The following NR1H4 variants were observed in gnomAD, a reference collection of about 807,000 sequenced individuals.
The protein encoded by NR1H4 is nuclear receptor subfamily 1 group H member 4, also known as bile acid receptor.
NR1H4 carries 23 observed loss-of-function variants against 58.5 expected under a neutral mutation model. The ratio of observed to expected loss-of-function variants is 0.39; its 90% CI spans 0.28 to 0.56. The LOEUF (loss-of-function observed/expected upper bound fraction) is 0.56, where lower values mean the gene tolerates loss of function less well. NR1H4 is among the 20% of genes least tolerant of loss of function. The pLI, the probability that NR1H4 is intolerant of heterozygous loss-of-function variation, is 0.58. For synonymous variants in NR1H4, 214 were observed against 198.0 expected, an observed-to-expected ratio of 1.08 and a Z score of -0.68; for missense variants, 487 against 576.9, an observed-to-expected ratio of 0.84 and a Z score of 1.60.
chr12:100,553,146 G>A (rs563421231), intron 9 of NR1H4, among the ~76,000 whole-genome samples: 1 of 152,072 alleles, frequency 6.6e-6, no homozygotes, highest in Non-Finnish European at 1.5e-5. Flanking sequence ...CTACAGGCGC[G>A]TGCCACCACA....
chr12:100,534,188 C>T (rs1256706406), intron 5 of NR1H4, among the ~76,000 whole-genome samples: 2 of 152,140 alleles, frequency 1.3e-5, no homozygotes, highest in Admixed American at 6.5e-5. Flanking sequence ...CCACCGCGCC[C>T]GGCCTTAATA....
chr12:100,505,908 C>G (rs1351787900), intron 3 of NR1H4: 1 of 319,362 alleles, frequency 3.1e-6, no homozygotes, highest in African/African-American at 2.2e-5. Flanking sequence ...TCCCAAAACA[C>G]ACAAACAAGA....
At chr12:100,479,554 C>T (rs1040616791) in intron 1 of NR1H4, among the ~76,000 whole-genome samples, 5 of 152,202 alleles carry the variant, frequency 3.3e-5, no homozygotes, top group South Asian at 2.1e-4. Flanking sequence ...ATCCCTGTTG[C>T]GTGTCATTTT....
intron 1 of NR1H4, among the ~76,000 whole-genome samples, chr12:100,474,397 T>C (rs1301264724): frequency 6.6e-6 from 1 of 152,208 alleles, no homozygotes; most frequent in Non-Finnish European, 1.5e-5. Flanking sequence ...ACTTGTATAG[T>C]GTGCTATATT....
At chr12:100,545,260 C>T (rs146203234) in intron 9 of NR1H4, among the ~76,000 whole-genome samples, 46 of 152,076 alleles carry the variant, frequency 3.0e-4, no homozygotes, top group African/African-American at 1.1e-3. Flanking sequence ...GGGAAAATCC[C>T]TTCCACTGTG....
chr12:100,511,114 A>G lies in NR1H4; in HGVS notation c.416A>G (p.Tyr139Cys), dbSNP rs2136159083. 1 of 1,614,270 alleles carries G rather than the reference A, an allele frequency of 6.2e-7. No individual in the cohort carries two copies. Among genetic ancestry groups the G allele is most frequent in the Non-Finnish European group, 8.5e-7 (1 of 1,180,040 alleles). The change falls in exon 4 of 11, where the codon TAT becomes TGT. Residue 139 changes from tyrosine to cysteine, a missense_variant. Transcript: ENST00000392986. ...GGAGACAGAGCCTCTGGATACCACT[A>G]TAATGCACTGACCTGTGAGGGGTGT... The part of the protein sequence containing the change: ...VCGDRASGYH[Y>C]NALTCEGCKG...
chr12:100,493,518 C>G lies in NR1H4; in HGVS notation c.79+116C>G, dbSNP rs147420431. 1.4e-3 allele frequency: 970 copies of G among 675,656 alleles called. 7 individuals are homozygous for G. In the African/African-American group the frequency reaches 0.015, roughly 11 times the overall value. The allele number at this position is 675,656 out of a possible 1,614,324, so 41.9% of individuals were successfully genotyped here. A position where few individuals can be genotyped will look rare whatever the true frequency, so the allele number is the denominator to read the frequency against. ...GGTCAAGAACATGTTTTTGTTCCTT[C>G]CAAGTACTCAATCAATGTTAGCTAC... On this transcript the variant is annotated intron_variant, in intron 3 of 10. Transcript: ENST00000392986.
intron 9 of NR1H4, among the ~76,000 whole-genome samples, chr12:100,549,260 C>T (rs2136283926): frequency 6.6e-6 from 1 of 152,266 alleles, no homozygotes; most frequent in African/African-American, 2.4e-5. Context: ...ATCCCTGGAA[C>T]CTGGGAGGCA....
chr12:100,487,873 A>T (rs971453053), intron 1 of NR1H4, among the ~76,000 whole-genome samples: 4 of 151,506 alleles, frequency 2.6e-5, no homozygotes, highest in African/African-American at 9.7e-5. Flanking sequence ...CAGCCTCCCA[A>T]AGTGTTGGGA....
At chr12:100,484,827 C>T (rs151001513) in intron 1 of NR1H4, among the ~76,000 whole-genome samples, 110 of 152,270 alleles carry the variant, frequency 7.2e-4, no homozygotes, top group African/African-American at 2.4e-3. Context: ...TCCCCATTGA[C>T]CACAGTTAGG....
At chr12:100,524,239 G>A (rs1299174643) in intron 4 of NR1H4, among the ~76,000 whole-genome samples, 1 of 152,174 alleles carries the variant, frequency 6.6e-6, no homozygotes, top group Non-Finnish European at 1.5e-5. Flanking sequence ...AGAAAAAAAT[G>A]GAAATAGGCA....
chr12:100,507,545 C>T (rs753215327), intron 3 of NR1H4, among the ~76,000 whole-genome samples: 1 of 152,116 alleles, frequency 6.6e-6, no homozygotes, highest in African/African-American at 2.4e-5. Flanking sequence ...TCACTACAAC[C>T]ACCACATCCC....
In NR1H4 at chr12:100,535,042, G is replaced by A; in HGVS notation, c.732+19G>A. On this transcript the variant is annotated intron_variant, in intron 6 of 10. Coordinates refer to ENST00000392986, the MANE Select transcript of NR1H4 (RefSeq NM_001206979.2). ...ATGCAGGGTAATAATATGCAATGGT[G>A]TCTGCCAAGACTGGCAGGAACTGAG... 6.2e-7 allele frequency: 1 copy of A among 1,614,084 alleles called. No homozygotes were observed. The highest frequency in any genetic ancestry group is 8.5e-7 in the Non-Finnish European group (1 of 1,179,940).
chr12:100,561,037 G>A lies in NR1H4; in HGVS notation c.1079-848G>A, dbSNP rs143015467. ...GGACATACTGGGTTTGAAGAGAACA[G>A]CCAATTACTGATGCTTAGTAGGTAA... is the stretch of plus-strand genomic sequence containing the variant. On this transcript the variant is annotated intron_variant, in intron 9 of 10. Coordinates refer to ENST00000392986, the MANE Select transcript of NR1H4 (RefSeq NM_001206979.2). 6.7e-3 allele frequency among the ~76,000 whole-genome samples: 1,023 copies of A among 152,270 alleles called. 7 individuals carry two copies. Among genetic ancestry groups the A allele is most frequent in the African/African-American group, 0.022 (919 of 41,550 alleles).
At chr12:100,538,917 G>A (rs1261721194) in intron 8 of NR1H4, among the ~76,000 whole-genome samples, 1 of 152,086 alleles carries the variant, frequency 6.6e-6, no homozygotes, top group Non-Finnish European at 1.5e-5. Context: ...TTAAACTGAA[G>A]GCAAGCTCAA....
chr12:100,512,523 C>T (rs2136164539), intron 4 of NR1H4, among the ~76,000 whole-genome samples: 1 of 151,860 alleles, frequency 6.6e-6, no homozygotes, highest in African/African-American at 2.4e-5. Flanking sequence ...TGCCTGTAGT[C>T]CCAGCTACTC....
chr12:100,505,089 A>G (rs997325207), intron 3 of NR1H4, among the ~76,000 whole-genome samples: 9 of 150,682 alleles, frequency 6.0e-5, no homozygotes, highest in African/African-American at 2.2e-4. Context: ...TGGATTAAGA[A>G]ATAAAGGAAG....
Position 100,534,934 on chromosome 12 carries a change from A to G in NR1H4, c.643A>G (p.Asn215Asp), listed in dbSNP as rs757835177. Residue 215 changes from asparagine (N) to aspartate (D), a missense_variant, in exon 6 of 11, where the codon AAT becomes GAT. Asn to Asp is a conservative substitution (Grantham distance 23). Transcript: ENST00000392986. The stretch of plus-strand genomic sequence containing the variant: ...GTGTAAATCTAAGCGACTGAGAAAA[A>G]ATGTGAAGCAGCATGCAGATCAGAC... ...IQCKSKRLRK[N>D]VKQHADQTVN... 1.2e-6 allele frequency: 2 copies of G among 1,614,188 alleles called. No homozygotes were observed. Among genetic ancestry groups the G allele is most frequent in the East Asian group, 4.5e-5 (2 of 44,880 alleles).
chr12:100,493,030 T>C (rs568440914), intron 2 of NR1H4, among the ~76,000 whole-genome samples: 5 of 152,238 alleles, frequency 3.3e-5, no homozygotes, highest in African/African-American at 1.2e-4. Flanking sequence ...AAACATACGG[T>C]GTTTTTTTCA....
Sources: allele counts gnomAD v4.1 joint callset (sites outside exome capture counted in the v4.1 genomes callset), GRCh38; gene constraint gnomAD v4.1.1; transcripts MANE v1.5; gene names NCBI Gene and HGNC (gene_info 2026-07-23, HGNC 2026-07-21).